TPO: variants seen among roughly 807,000 people sequenced by gnomAD.
TPO encodes thyroid peroxidase.
TPO carries 78 observed loss-of-function variants against 96.9 expected under a neutral mutation model. The ratio of observed to expected loss-of-function variants is 0.81; its 90% CI spans 0.67 to 0.97. The LOEUF (loss-of-function observed/expected upper bound fraction) is 0.97. Among genes scored for constraint, TPO ranks in the 50% least tolerant of loss-of-function variants. TPO has a pLI of 0.00. For missense variants in TPO, 1,252 were observed against 1,274.8 expected, an observed-to-expected ratio of 0.98 and a Z score of 0.27; for synonymous variants, 547 against 538.0, an observed-to-expected ratio of 1.02 and a Z score of -0.23.
chr2:1,403,562 T>TG (rs535199225), intron 1 of TPO, among the ~76,000 whole-genome samples: 3 of 152,126 alleles, frequency 2.0e-5, no homozygotes, highest in Admixed American at 6.5e-5. Flanking sequence ...GCACCGTGGG[T>TG]GGGGGACACT....
At chr2:1,420,247 A>C (rs181561118) in intron 2 of TPO, among the ~76,000 whole-genome samples, 1 of 152,354 alleles carries the variant, frequency 6.6e-6, no homozygotes, top group African/African-American at 2.4e-5. Context: ...ACAAGGAATG[A>C]TCTCTCTAGT....
chr2:1,534,363 TG>T, intron 15 of TPO, among the ~76,000 whole-genome samples: 1 of 676 alleles, frequency 1.5e-3, no homozygotes, highest in Admixed American at 0.022. Context: ...CGTCCAACTG[TG>T]TTCAACCTCC....
intron 7 of TPO, among the ~76,000 whole-genome samples, chr2:1,467,349 C>T (rs1484988047): frequency 6.6e-6 from 1 of 152,118 alleles, no homozygotes; most frequent in Admixed American, 6.5e-5. Flanking sequence ...AGGTGATCCA[C>T]CAGCTCAGCC....
intron 8 of TPO, 118 bp downstream of exon 8, chr2:1,477,722 C>T (rs11681087): frequency 0.1 from 143,335 of 1,377,754 alleles, 8,658 homozygotes; most frequent in East Asian, 0.31. Flanking sequence ...ATCATGGGCG[C>T]CCACATGGGT....
intron 1 of TPO, among the ~76,000 whole-genome samples, chr2:1,395,677 A>G (rs1383125703): frequency 1.3e-5 from 2 of 152,092 alleles, no homozygotes; most frequent in Non-Finnish European, 2.9e-5. Context: ...CAAGGGAGGG[A>G]CCTGGTGGGA....
Position 1,542,719 on chromosome 2 carries a change from T to A in TPO, c.*245T>A. On this transcript the variant is annotated 3_prime_UTR_variant, in exon 17 of 17. Coordinates refer to ENST00000329066, the MANE Select transcript of TPO (RefSeq NM_001206744.2). ...TGGGGCTTTGCCATTAAAATGTATT[T>A]ACAGATTACACATCTTTATTTTGTG... 8.7e-7 allele frequency: 1 copy of A among 1,144,442 alleles called. No homozygotes were observed. 70.9% of individuals were successfully genotyped at this position (1,144,442 alleles called of 1,614,324 possible).
chr2:1,390,070 G>T (rs1391915110), intron 1 of TPO, among the ~76,000 whole-genome samples: 2 of 150,304 alleles, frequency 1.3e-5, no homozygotes, highest in Non-Finnish European at 3.0e-5. Context: ...TGCACAACGT[G>T]CAGGTTTGAT....
intron 2 of TPO, among the ~76,000 whole-genome samples, chr2:1,421,543 G>A (rs922202412): frequency 6.6e-6 from 1 of 152,250 alleles, no homozygotes; most frequent in Non-Finnish European, 1.5e-5. Context: ...GGGGAGGTGG[G>A]GGGCGGGGCT....
chr2:1,487,164 G>C (rs1417559132), intron 9 of TPO, among the ~76,000 whole-genome samples: 1 of 152,146 alleles, frequency 6.6e-6, no homozygotes, highest in Non-Finnish European at 1.5e-5. Flanking sequence ...GCTAAGCTGA[G>C]TCTTCCTTTC....
chr2:1,437,373 T>C (rs1018117007), intron 5 of TPO, among the ~76,000 whole-genome samples: 42 of 151,752 alleles, frequency 2.8e-4, no homozygotes, highest in African/African-American at 9.9e-4. Flanking sequence ...GCAGCAAAGG[T>C]GCTTAGCATG....
At chr2:1,422,397 CCATGGGG>C (rs1663841454) in intron 2 of TPO, among the ~76,000 whole-genome samples, 3 of 54,860 alleles carry the variant, frequency 5.5e-5, no homozygotes, top group African/African-American at 3.1e-4. Context: ...CCGCGCTGGG[CCATGGGG>C]AGAGCGAGAG....
intron 7 of TPO, among the ~76,000 whole-genome samples, chr2:1,472,565 T>A (rs898365140): frequency 6.6e-6 from 1 of 152,074 alleles, no homozygotes; most frequent in African/African-American, 2.4e-5. Context: ...CGCCAAGCCA[T>A]CCCTGCTTAC....
chr2:1,419,947 A>G (rs1663339206), intron 2 of TPO, among the ~76,000 whole-genome samples: 1 of 152,232 alleles, frequency 6.6e-6, no homozygotes, highest in African/African-American at 2.4e-5. Flanking sequence ...CTTCCCCTAC[A>G]GATGGATGTC....
At chr2:1,385,907 T>C (rs1446698804) in intron 1 of TPO, among the ~76,000 whole-genome samples, 1 of 152,202 alleles carries the variant, frequency 6.6e-6, no homozygotes, top group Non-Finnish European at 1.5e-5. Context: ...GATTCTGGTA[T>C]GTTGTGTCTT....
intron 10 of TPO, among the ~76,000 whole-genome samples, chr2:1,491,503 G>A (rs907571507): frequency 7.9e-5 from 12 of 152,194 alleles, no homozygotes; most frequent in Non-Finnish European, 1.3e-4. Context: ...GTTTGACAAT[G>A]GTCTAAATTG....
chr2:1,527,682 A>C (rs1403700410), intron 15 of TPO, among the ~76,000 whole-genome samples: 28 of 56,536 alleles, frequency 5.0e-4, no homozygotes, highest in Admixed American at 1.1e-3. Flanking sequence ...CCCAAATCCC[A>C]CCCAATTGTG....
intron 14 of TPO, among the ~76,000 whole-genome samples, chr2:1,507,585 C>G (rs1376847749): frequency 2.0e-4 from 30 of 151,578 alleles, no homozygotes; most frequent in East Asian, 9.7e-4. Context: ...AGTTCTCCTT[C>G]AAGAGGTCCT....
chr2:1,457,326 T>C (rs1391497078), intron 7 of TPO, among the ~76,000 whole-genome samples: 3 of 113,206 alleles, frequency 2.7e-5, no homozygotes, highest in African/African-American at 3.3e-5. Context: ...TGGGTACACA[T>C]ATATATAGCA....
In TPO at chr2:1,430,237, TG is replaced by T. The variant is rs930001906; in HGVS notation, c.180-3199del. Reference sequence around the variant, plus strand: ...ATCCCAGCTACTCTGGCTCTGGGCTTGGCTCAGAGGGGCCCAGGTACTACTC... The same window carrying T: ...ATCCCAGCTACTCTGGCTCTGGGCTTGCTCAGAGGGGCCCAGGTACTACTC... On this transcript the variant is annotated intron_variant, in intron 3 of 16. Transcript: ENST00000329066. Among the ~76,000 whole-genome samples the T allele has an allele frequency of 1.2e-4, 18 of 152,266 alleles. 1 individual carries two copies. The highest frequency in any genetic ancestry group is 4.1e-4 in the African/African-American group (17 of 41,558).
Sources: allele counts gnomAD v4.1 joint callset (sites outside exome capture counted in the v4.1 genomes callset), GRCh38; gene constraint gnomAD v4.1.1; transcripts MANE v1.5; gene names NCBI Gene and HGNC (gene_info 2026-07-23, HGNC 2026-07-21).